Variants in COPE observed in about 807,000 individuals in gnomAD.
COPE encodes the protein coat protein complex I subunit epsilon.
A neutral mutation model predicts 42.1 loss-of-function variants in COPE; 19 were observed. That is an observed-to-expected ratio of 0.45 (90% CI 0.31 to 0.66). The LOEUF (loss-of-function observed/expected upper bound fraction) is 0.66, where lower values mean the gene tolerates loss of function less well. Among genes scored for constraint, COPE ranks in the 30% least tolerant of loss-of-function variants. COPE has a pLI of 0.05. For missense variants in COPE, 402 were observed against 416.1 expected (o/e 0.97, Z 0.30); for synonymous variants, 195 against 181.3 (o/e 1.08, Z -0.60).
In COPE at chr19:18,899,681, A is replaced by G; in HGVS notation, c.925T>C (p.Ter309ArgextTer55). The G allele has an allele frequency of 6.2e-7, 1 of 1,613,462 alleles. No individual in the cohort carries two copies. Among genetic ancestry groups the G allele is most frequent in the Non-Finnish European group, 8.5e-7 (1 of 1,179,952 alleles). ...GTCCTGACAGCTCTGGGCCAGCCTC[A>G]GGCGCTGGGAGCGTACTGTAGCACC... ...RLVLQYAPSA* is the reference protein window; with the variant it reads ...RLVLQYAPSAR The change falls in exon 10 of 10, where the codon TGA becomes CGA. Residue 309 changes from the stop codon to arginine (R), a stop_lost. Transcript: ENST00000262812.
intron 4 of COPE, 90 bp from the exon 5 acceptor site, chr19:18,905,719 G>A (rs1568317245): frequency 4.3e-6 from 6 of 1,380,704 alleles, no homozygotes; most frequent in Non-Finnish European, 6.0e-6. Context: ...GTGTGTCTGG[G>A]ATGTTCCTAA....
At position 18,912,618 on chromosome 19, in the gene COPE, G is replaced by A. The variant is rs936860231; in HGVS notation, c.189+366C>T. ...TTAAAAATATAAAAATTAGCCAGGC[G>A]TGGTGGCGCACGCCTGTAGTCCCAG... On this transcript the variant is annotated intron_variant, in intron 2 of 9. Transcript: ENST00000262812. 9.9e-5 allele frequency among the ~76,000 whole-genome samples: 15 copies of A among 152,178 alleles called. No individual in the cohort carries two copies. The South Asian group carries it at 1.2e-3, about 13-fold the overall frequency.
chr19:18,904,977 T>C (rs1260739476), intron 5 of COPE, 125 bp from the exon 6 acceptor site: 1 of 924,722 alleles, frequency 1.1e-6, no homozygotes, highest in African/African-American at 1.6e-5. Context: ...CTCCACTGCA[T>C]GCTCATACCC....
At chr19:18,906,344 C>T in intron 4 of COPE, 1 of 180,234 alleles carries the variant, frequency 5.5e-6, no homozygotes. Flanking sequence ...TGCATGTCAC[C>T]ATGCCTGGCT....
chr19:18,903,731 C>T (rs1412282953), intron 6 of COPE, among the ~76,000 whole-genome samples: 1 of 152,210 alleles, frequency 6.6e-6, no homozygotes, highest in East Asian at 1.9e-4. Context: ...TGAGTGGGGA[C>T]CACTGGGTCA....
chr19:18,901,427 T>C (rs1443167918), intron 7 of COPE, among the ~76,000 whole-genome samples: 1 of 152,192 alleles, frequency 6.6e-6, no homozygotes, highest in Non-Finnish European at 1.5e-5. Flanking sequence ...CTGTCTGAGA[T>C]TGCACATCAG....
At position 18,908,332 on chromosome 19, in the gene COPE, C is replaced by A. The variant is rs547243099; in HGVS notation, c.291-1220G>T. 3.3e-5 allele frequency among the ~76,000 whole-genome samples: 5 copies of A among 151,594 alleles called. No individual in the cohort carries two copies. In the South Asian group the frequency reaches 1.1e-3, roughly 32 times the overall value. ...GTCCCAACTACTTGGGAGGCTGAGG[C>A]AGGAGGATGGCTTCAGCCCGGGAGG... On this transcript the variant is annotated intron_variant, in intron 3 of 9. Transcript: ENST00000262812.
chr19:18,907,219 C>A, intron 3 of COPE, 107 bp from the exon 4 acceptor site: 1 of 1,258,144 alleles, frequency 7.9e-7, no homozygotes, highest in Non-Finnish European at 1.1e-6. Context: ...GAGCCAGGCC[C>A]TGGGGGTGCA....
intron 1 of COPE, among the ~76,000 whole-genome samples, chr19:18,914,062 A>G (rs1279764619): frequency 6.6e-6 from 1 of 152,154 alleles, no homozygotes; most frequent in East Asian, 1.9e-4. Context: ...AGGACCCAGC[A>G]GCTTCTGCTC....
At chr19:18,917,911 C>T (rs1311739720) in intron 1 of COPE, among the ~76,000 whole-genome samples, 5 of 151,926 alleles carry the variant, frequency 3.3e-5, no homozygotes, top group Non-Finnish European at 7.4e-5. Context: ...GTATGGGAGG[C>T]TGGGCACGGT....
chr19:18,900,018 G>A, intron 8 of COPE, 71 bp from the exon 9 acceptor site: 1 of 1,333,066 alleles, frequency 7.5e-7, no homozygotes, highest in Non-Finnish European at 1.0e-6. Context: ...TGCTGGACAG[G>A]GGTGGATTGG....
rs1281582643 is a variant in COPE, at chr19:18,899,566, G to GGGT, written c.*110_*112dup. The GGGT allele has an allele frequency of 2.0e-6, 2 of 1,014,606 alleles. No individual in the cohort carries two copies. The highest frequency in any genetic ancestry group is 3.2e-5 in the African/African-American group (2 of 63,098). The allele number at this position is 1,014,606 out of a possible 1,614,324, so 62.9% of individuals were successfully genotyped here. ...ATTTATTAACAGATGGGGGTGCTGG[G>GGGT]GGTGGGCTCCTGCCCCCAGAGGGGA... On this transcript the variant is annotated 3_prime_UTR_variant, in exon 10 of 10. Transcript: ENST00000262812.
chr19:18,916,946 A>C (rs1278083016), intron 1 of COPE, among the ~76,000 whole-genome samples: 1 of 44,914 alleles, frequency 2.2e-5, no homozygotes, highest in Non-Finnish European at 7.0e-5. Context: ...TCCTGTCTCA[A>C]AAAAAAAAAA....
intron 1 of COPE, among the ~76,000 whole-genome samples, chr19:18,915,147 A>C (rs2056843381): frequency 6.6e-6 from 1 of 152,162 alleles, no homozygotes; most frequent in Non-Finnish European, 1.5e-5. Context: ...GGTCGAGGCT[A>C]CAGTGGACTA....
Position 18,910,978 on chromosome 19 carries a change from T to A in COPE, c.283A>T (p.Ser95Cys). ...RMFADYLAHE[S>C]RRDSIVAELD... is the part of the protein sequence containing the mutation. ...CATTCTCTGGGGCCTCACCTCCGAC[T>A]CTCGTGGGCGAGGTAGTCAGCAAAC... The change falls in exon 3 of 10, where the codon AGT becomes TGT. Residue 95 changes from serine (S) to cysteine (C), a missense_variant. By Grantham distance (112) the Ser-to-Cys change is moderately radical. Coordinates refer to ENST00000262812, the MANE Select transcript of COPE (RefSeq NM_007263.4). The A allele has an allele frequency of 6.2e-7, 1 of 1,613,690 alleles. No individual in the cohort carries two copies. The highest frequency in any genetic ancestry group is 1.1e-5 in the South Asian group (1 of 91,080).
At position 18,919,355 on chromosome 19, in the gene COPE, G is replaced by C; in HGVS notation, c.-7C>G. 6.2e-7 allele frequency: 1 copy of C among 1,613,378 alleles called. No individual in the cohort carries two copies. Among genetic ancestry groups the C allele is most frequent in the South Asian group, 1.1e-5 (1 of 91,078 alleles). ...CGGGGGCCGGAGGCGCCATTTCGCT[G>C]TCTTCTCACCAGCTCCTCTTCCTGA... On this transcript the variant is annotated 5_prime_UTR_variant, in exon 1 of 10. Transcript: ENST00000262812.
At chr19:18,911,124 T>C (rs2056806285) in intron 2 of COPE, 53 bp from the exon 3 acceptor site, 6 of 1,526,390 alleles carry the variant, frequency 3.9e-6, no homozygotes, top group Non-Finnish European at 5.4e-6. Flanking sequence ...AGGATTTCCA[T>C]GTCTTCAGCT....
intron 6 of COPE, 77 bp downstream of exon 6, chr19:18,904,694 G>A (rs964925415): frequency 3.7e-5 from 48 of 1,301,932 alleles, no homozygotes; most frequent in Middle Eastern, 1.9e-4. Flanking sequence ...AGCAGCCTAC[G>A]CACAGGTGGG....
At chr19:18,900,663 C>T (rs758097336) in intron 7 of COPE, among the ~76,000 whole-genome samples, 4 of 152,108 alleles carry the variant, frequency 2.6e-5, no homozygotes, top group Non-Finnish European at 4.4e-5. Context: ...CATCTGTAGT[C>T]CAGCCTGGGG....
Sources: allele counts gnomAD v4.1 joint callset (sites outside exome capture counted in the v4.1 genomes callset), GRCh38; gene constraint gnomAD v4.1.1; transcripts MANE v1.5; gene names NCBI Gene and HGNC (gene_info 2026-07-23, HGNC 2026-07-21).